Variants in LARP7 observed in about 807,000 individuals in gnomAD.
LARP7 encodes la-related protein 7.
Under a neutral mutation model 69.3 loss-of-function variants are expected in LARP7, and 52 were observed. The ratio of observed to expected loss-of-function variants is 0.75; its 90% CI spans 0.60 to 0.95. The LOEUF (loss-of-function observed/expected upper bound fraction) is 0.95. Ranked by LOEUF, LARP7 falls within the 40% of genes least tolerant of loss-of-function variation. LARP7 has a pLI of 0.00. For synonymous variants in LARP7, 254 were observed against 215.9 expected, an observed-to-expected ratio of 1.18 and a Z score of -1.55; for missense variants, 733 against 673.0, an observed-to-expected ratio of 1.09 and a Z score of -0.99.
intron 2 of LARP7, chr4:112,645,451 G>A (rs928330087): frequency 8.8e-6 from 4 of 453,834 alleles, no homozygotes; most frequent in South Asian, 1.6e-5. Flanking sequence ...TGTGTAACTC[G>A]AGAGTGCTAT....
At chr4:112,648,595 T>C (rs1303704895) in intron 8 of LARP7, 1 of 485,960 alleles carries the variant, frequency 2.1e-6, no homozygotes, top group South Asian at 1.5e-5. Context: ...TCAGAGTATT[T>C]AGAGCTGAGG....
At chr4:112,645,707 A>T (rs1040783851) in intron 2 of LARP7, 1 of 436,032 alleles carries the variant, frequency 2.3e-6, no homozygotes. Context: ...TTTTTAAGAG[A>T]TATGGGGTCC....
intron 7 of LARP7, 56 bp downstream of exon 7, chr4:112,647,605 T>C: frequency 6.8e-7 from 1 of 1,461,416 alleles, no homozygotes; most frequent in Non-Finnish European, 9.1e-7. Context: ...TAATTAGTTT[T>C]TAATTAATTA....
intron 1 of LARP7, 87 bp from the exon 2 acceptor site, chr4:112,644,581 C>A: frequency 1.8e-6 from 2 of 1,108,270 alleles, no homozygotes; most frequent in Non-Finnish European, 2.5e-6. Context: ...ATTATTCTCT[C>A]AGACAGTTAA....
In LARP7 at chr4:112,653,243, CTT is replaced by C; in HGVS notation, c.1576+8_1576+9del. The C allele has an allele frequency of 6.4e-7, 1 of 1,568,270 alleles. No homozygotes were observed. Among genetic ancestry groups the C allele is most frequent in the Non-Finnish European group, 8.6e-7 (1 of 1,164,168 alleles). On this transcript the variant is annotated splice_region_variant and intron_variant, in intron 11 of 12. Transcript: ENST00000344442. The stretch of plus-strand genomic sequence containing the variant: ...AAACTCGAGATCCTTTCTGGTAAAA[CTT>C]CATAGACGTTTCCTTTTTTTTTTGT...
At chr4:112,647,587 A>ATTTTAATTAGT (rs1554011932) in intron 7 of LARP7, 38 bp downstream of exon 7, 11 of 1,414,328 alleles carry the variant, frequency 7.8e-6, no homozygotes, top group South Asian at 6.0e-5. Context: ...AAACTAATTA[A>ATTTTAATTAGT]TTTTAATTAA....
In LARP7 at chr4:112,646,604, C is replaced by G. The variant is rs200393300; in HGVS notation, c.320C>G (p.Thr107Ser). ...SAVVELDLEG[T>S]RIRRKKPLGE... Reference sequence around the variant, plus strand: ...ATTTTAAAGCTTGATTTGGAAGGCACCAGAATCCGGAGGAAAAAACCTCTG... The same window carrying G: ...ATTTTAAAGCTTGATTTGGAAGGCAGCAGAATCCGGAGGAAAAAACCTCTG... Residue 107 changes from threonine (T) to serine (S), a missense_variant, in exon 4 of 13, where the codon ACC becomes AGC. Physicochemically the swap from Thr to Ser is moderately conservative, Grantham distance 58 (BLOSUM62 1). Coordinates refer to ENST00000344442, the MANE Select transcript of LARP7 (RefSeq NM_016648.4). The G allele has an allele frequency of 1.3e-6, 2 of 1,593,350 alleles. No homozygotes were observed. Among genetic ancestry groups the G allele is most frequent in the African/African-American group, 1.3e-5 (1 of 74,338 alleles).
intron 2 of LARP7, among the ~76,000 whole-genome samples, 200 bp from the exon 3 acceptor site, chr4:112,646,151 G>A (rs2048214905): frequency 6.6e-6 from 1 of 151,898 alleles, no homozygotes; most frequent in African/African-American, 2.4e-5. Flanking sequence ...CTAATTCTTT[G>A]TATTTTTAGT....
chr4:112,646,714 AAAC>A, intron 4 of LARP7, 43 bp downstream of exon 4: 1 of 1,555,522 alleles, frequency 6.4e-7, no homozygotes. Context: ...ACTGGCACAG[AAAC>A]AATATAATTA....
At chr4:112,643,104 A>G (rs1020621791) in intron 1 of LARP7, among the ~76,000 whole-genome samples, 3 of 152,260 alleles carry the variant, frequency 2.0e-5, no homozygotes, top group African/African-American at 7.2e-5. Context: ...GACTGACAAT[A>G]TATCAGTAAA....
Position 112,644,849 on chromosome 4 carries a change from G to C in LARP7, c.180G>C (p.Gln60His). 6.3e-7 allele frequency: 1 copy of C among 1,583,290 alleles called. No homozygotes were observed. The highest frequency in any genetic ancestry group is 8.6e-7 in the Non-Finnish European group (1 of 1,162,628). ...NLHKDRFLRE[Q>H]IEKSRDGYVD... ...ACAAGGATAGATTTCTTCGAGAACA[G>C]ATAGAAAAATCTAGAGATGGATGTA... The change falls in exon 2 of 13, where the codon CAG becomes CAC. Residue 60 changes from glutamine to histidine, a missense_variant. Gln to His is a conservative substitution (Grantham distance 24). Transcript: ENST00000344442.
At position 112,657,390 on chromosome 4, in the gene LARP7, C is replaced by A; in HGVS notation, c.*63C>A. On this transcript the variant is annotated 3_prime_UTR_variant, in exon 13 of 13. Coordinates refer to ENST00000344442, the MANE Select transcript of LARP7 (RefSeq NM_016648.4). The stretch of plus-strand genomic sequence containing the variant: ...ACTTGAGCTGTTCTTGGGAGATTCA[C>A]TTTTATTATGGTAGCACTGCATAAT... The A allele has an allele frequency of 1.3e-6, 1 of 753,012 alleles. No homozygotes were observed. The highest frequency in any genetic ancestry group is 2.1e-6 in the Non-Finnish European group (1 of 486,136). 46.6% of individuals were successfully genotyped at this position (753,012 alleles called of 1,614,324 possible).
At chr4:112,651,859 C>T (rs1384939074) in intron 10 of LARP7, among the ~76,000 whole-genome samples, 1 of 152,072 alleles carries the variant, frequency 6.6e-6, no homozygotes, top group African/African-American at 2.4e-5. Flanking sequence ...GCTCAAAAGT[C>T]AGTTATAAAA....
chr4:112,644,070 G>A (rs113539432), intron 1 of LARP7, among the ~76,000 whole-genome samples: 9,879 of 151,422 alleles, frequency 0.065, 934 homozygotes, highest in African/African-American at 0.21. Flanking sequence ...GTGAAACCCC[G>A]TCTCCTACTA....
intron 5 of LARP7, 26 bp from the exon 6 acceptor site, chr4:112,647,008 A>G (rs1484441548): frequency 1.3e-6 from 2 of 1,587,700 alleles, no homozygotes; most frequent in Non-Finnish European, 8.5e-7. Context: ...CAAGTATTAA[A>G]ATAGTAACTT....
chr4:112,641,037 A>C (rs1314711446), intron 1 of LARP7, among the ~76,000 whole-genome samples: 2 of 152,178 alleles, frequency 1.3e-5, no homozygotes, highest in Non-Finnish European at 2.9e-5. Context: ...AATTAGAGAG[A>C]TCCCCAGGCC....
chr4:112,644,905 G>C, intron 2 of LARP7, 34 bp downstream of exon 2: 2 of 973,350 alleles, frequency 2.1e-6, no homozygotes, highest in Non-Finnish European at 3.0e-6. Flanking sequence ...CCAATTTTTA[G>C]ATATGGTTGC....
intron 2 of LARP7, 69 bp downstream of exon 2, chr4:112,644,940 A>AAAT: frequency 2.8e-6 from 1 of 356,864 alleles, no homozygotes; most frequent in Non-Finnish European, 4.3e-6. Flanking sequence ...ATAAAATAAT[A>AAAT]TATTCTTTTT....
rs1419329717 is a variant in LARP7 at position 112,637,159 on chromosome 4, G to A, written c.-83G>A. 6.6e-6 allele frequency: 1 copy of A among 152,216 alleles called. No homozygotes were observed. The highest frequency in any genetic ancestry group is 2.4e-5 in the African/African-American group (1 of 41,454). The allele number at this position is 152,216 out of a possible 1,614,324, so 9.4% of individuals were successfully genotyped here. ...TTGTCGCTCATCCTATGACGCGAAA[G>A]TAACCGAGACTATCAGGATCCGGAG... On this transcript the variant is annotated 5_prime_UTR_variant, in exon 1 of 13. Transcript: ENST00000344442.
Sources: allele counts gnomAD v4.1 joint callset (sites outside exome capture counted in the v4.1 genomes callset), GRCh38; gene constraint gnomAD v4.1.1; transcripts MANE v1.5; gene names NCBI Gene and HGNC (gene_info 2026-07-23, HGNC 2026-07-21).